CACNA2D1: variants seen among roughly 807,000 people sequenced by gnomAD.
The protein encoded by CACNA2D1 is voltage-dependent calcium channel subunit alpha-2/delta-1.
Under a neutral mutation model 171.5 loss-of-function variants are expected in CACNA2D1, and 53 were observed. The observed-to-expected ratio is 0.31, with a 90% CI of 0.25 to 0.39. The LOEUF (loss-of-function observed/expected upper bound fraction) is 0.39. CACNA2D1 is among the 10% of genes least tolerant of loss of function. CACNA2D1 has a pLI of 1.00. For synonymous variants in CACNA2D1, 442 were observed against 443.1 expected (o/e 1.00, Z 0.03); for missense variants, 903 against 1,299.8 (o/e 0.69, Z 4.69).
intron 36 of CACNA2D1, 107 bp from the exon 37 acceptor site, chr7:81,959,936 G>GAAAC (rs917782197): frequency 6.7e-7 from 1 of 1,482,960 alleles, no homozygotes; most frequent in Non-Finnish European, 9.1e-7. Flanking sequence ...TATGACATCT[G>GAAAC]AAACAGAAAC....
chr7:82,020,822 T>A (rs1801100482), intron 12 of CACNA2D1: 1 of 152,130 alleles, frequency 6.6e-6, no homozygotes, highest in South Asian at 2.1e-4. Context: ...ATGACCAACA[T>A]ATGTGCTAGA....
chr7:82,351,225 G>GA (rs1165672974), intron 1 of CACNA2D1, among the ~76,000 whole-genome samples: 4 of 151,096 alleles, frequency 2.6e-5, no homozygotes, highest in Non-Finnish European at 4.4e-5. Flanking sequence ...TCTTCCTTAG[G>GA]GAAGAATTCC....
chr7:81,975,341 A>T (rs913371926), intron 24 of CACNA2D1, among the ~76,000 whole-genome samples: 18 of 152,168 alleles, frequency 1.2e-4, no homozygotes, highest in Non-Finnish European at 2.4e-4. Flanking sequence ...CCATTATTTT[A>T]AAAAATATTT....
chr7:82,000,568 C>A lies in CACNA2D1; in HGVS notation c.1591-3318G>T, dbSNP rs144495218. 2.2e-3 allele frequency among the ~76,000 whole-genome samples: 332 copies of A among 151,858 alleles called. 1 individual carries two copies. The highest frequency in any genetic ancestry group is 3.5e-3 in the Non-Finnish European group (236 of 67,926). On this transcript the variant is annotated intron_variant, in intron 18 of 38. Transcript: ENST00000356860. ...TTATCCATCTCTTAATAACATATTA[C>A]CTCTTCATTTTAATGTCACCAACTT...
At chr7:82,133,887 A>G (rs916191733) in intron 5 of CACNA2D1, among the ~76,000 whole-genome samples, 8 of 152,130 alleles carry the variant, frequency 5.3e-5, no homozygotes, top group African/African-American at 1.9e-4. Context: ...CCTGGCTAAC[A>G]CGGTGAAACC....
rs74614872 is a variant in CACNA2D1, at chr7:82,183,484, A to G, written c.295-12875T>C. Among the ~76,000 whole-genome samples, 1,482 of 152,310 alleles carry G rather than the reference A, an allele frequency of 9.7e-3. 12 individuals carry two copies. Among genetic ancestry groups the G allele is most frequent in the Non-Finnish European group, 0.016 (1,107 of 68,016 alleles). On this transcript the variant is annotated intron_variant, in intron 3 of 38. Coordinates refer to ENST00000356860, the MANE Select transcript of CACNA2D1 (RefSeq NM_000722.4). ...TTTTAGTTAAAATTTTGTACAATTAAGAATATAAGAAACCATAAAACACAT... is the reference window on the plus strand; with the variant it reads ...TTTTAGTTAAAATTTTGTACAATTAGGAATATAAGAAACCATAAAACACAT...
At chr7:82,433,653 A>C (rs1224848965) in intron 1 of CACNA2D1, among the ~76,000 whole-genome samples, 2 of 152,116 alleles carry the variant, frequency 1.3e-5, no homozygotes, top group Non-Finnish European at 2.9e-5. Flanking sequence ...CATTGCTTTC[A>C]TCTCTCTGAC....
Position 82,297,072 on chromosome 7 carries a change from CAAAA to C in CACNA2D1, c.294+38059_294+38062del, listed in dbSNP as rs57473351. ...AAACATAGTGAGGCTCTGTGTCTACCAAAAAAAAAAAAAAAAAAAAAAAAATTAG... is the reference window on the plus strand; with the variant it reads ...AAACATAGTGAGGCTCTGTGTCTACCAAAAAAAAAAAAAAAAAAAAATTAG... On this transcript the variant is annotated intron_variant, in intron 3 of 38. Transcript: ENST00000356860. 1.5e-4 allele frequency among the ~76,000 whole-genome samples: 11 copies of C among 72,240 alleles called. No individual in the cohort carries two copies. In the South Asian group the frequency reaches 3.4e-3, roughly 22 times the overall value. 47.4% of individuals were successfully genotyped at this position (72,240 alleles called of 152,430 possible). A position where few individuals can be genotyped will look rare whatever the true frequency, so the allele number is the denominator to read the frequency against.
chr7:82,005,746 A>G lies in CACNA2D1; in HGVS notation c.1515+19T>C, dbSNP rs1384283547. On this transcript the variant is annotated intron_variant, in intron 17 of 38. Coordinates refer to ENST00000356860, the MANE Select transcript of CACNA2D1 (RefSeq NM_000722.4). The stretch of plus-strand genomic sequence containing the variant: ...GTTCTAAACTAGAAAGGGTATCAAA[A>G]GAGCAAATTTCATCTTACTGTAAAA... 6.5e-7 allele frequency: 1 copy of G among 1,529,120 alleles called. No homozygotes were observed. The highest frequency in any genetic ancestry group is 1.7e-5 in the Admixed American group (1 of 59,886). 94.7% of individuals were successfully genotyped at this position (1,529,120 alleles called of 1,614,324 possible).
intron 6 of CACNA2D1, among the ~76,000 whole-genome samples, chr7:82,101,701 C>T (rs1274041318): frequency 2.0e-5 from 3 of 152,028 alleles, no homozygotes; most frequent in Non-Finnish European, 2.9e-5. Context: ...TACATAGTTT[C>T]CCATAATGCA....
chr7:81,984,828 G>A (rs1021137638), intron 21 of CACNA2D1, 117 bp from the exon 22 acceptor site: 4 of 687,474 alleles, frequency 5.8e-6, no homozygotes, highest in Non-Finnish European at 1.1e-5. Context: ...GGAAGGAAAA[G>A]ACATATTACT....
rs571339669 is a variant in CACNA2D1, at chr7:82,163,443, A to T, written c.354+7107T>A. Among the ~76,000 whole-genome samples, 125 of 152,158 alleles carry T rather than the reference A, an allele frequency of 8.2e-4. 2 individuals carry two copies. In the South Asian group the frequency reaches 0.016, roughly 19 times the overall value. On this transcript the variant is annotated intron_variant, in intron 4 of 38. Coordinates refer to ENST00000356860, the MANE Select transcript of CACNA2D1 (RefSeq NM_000722.4). Reference sequence around the variant, plus strand: ...TTCAGTTCCTGGAGGTCAATTGATTATCATTTCCTAAAGAAGGAGAAATAC... The same window carrying T: ...TTCAGTTCCTGGAGGTCAATTGATTTTCATTTCCTAAAGAAGGAGAAATAC...
chr7:82,095,595 A>G (rs560967531), intron 6 of CACNA2D1, among the ~76,000 whole-genome samples: 1 of 152,342 alleles, frequency 6.6e-6, no homozygotes, highest in South Asian at 2.1e-4. Context: ...AAAATATGCT[A>G]TACTTAACGT....
In CACNA2D1 at chr7:82,242,922, G is replaced by A. The variant is rs564820264; in HGVS notation, c.295-72313C>T. On this transcript the variant is annotated intron_variant, in intron 3 of 38. Coordinates refer to ENST00000356860, the MANE Select transcript of CACNA2D1 (RefSeq NM_000722.4). ...GCCTTAGAATCATATTTAGTGTAAT[G>A]GTTAGGAAATAATCATTGTACCATG... 7.2e-5 allele frequency among the ~76,000 whole-genome samples: 11 copies of A among 152,132 alleles called. No individual in the cohort carries two copies. In the East Asian group the frequency reaches 2.1e-3, roughly 29 times the overall value.
chr7:82,217,316 T>C (rs565579533), intron 3 of CACNA2D1, among the ~76,000 whole-genome samples: 1 of 145,454 alleles, frequency 6.9e-6, no homozygotes, highest in South Asian at 2.2e-4. Context: ...TTTTACTTCG[T>C]GTTACATTGA....
At chr7:82,368,059 G>C (rs1821954550) in intron 1 of CACNA2D1, among the ~76,000 whole-genome samples, 1 of 152,100 alleles carries the variant, frequency 6.6e-6, no homozygotes, top group Admixed American at 6.6e-5. Context: ...ATGTAATCAA[G>C]AGTAATGATC....
intron 3 of CACNA2D1, among the ~76,000 whole-genome samples, chr7:82,208,409 T>C (rs760925500): frequency 2.0e-5 from 3 of 152,118 alleles, no homozygotes; most frequent in Non-Finnish European, 4.4e-5. Context: ...TTACCAAATA[T>C]GTTTGTTGCT....
rs117766744 is a variant in CACNA2D1 at position 81,978,353 on chromosome 7, T to C, written c.1956-3801A>G. On this transcript the variant is annotated intron_variant, in intron 24 of 38. Transcript: ENST00000356860. Reference sequence around the variant, plus strand: ...CCAACCCAAATGCTGATCAATGATATAGACTGGATAAAGAAAATATAACAC... The same window carrying C: ...CCAACCCAAATGCTGATCAATGATACAGACTGGATAAAGAAAATATAACAC... Among the ~76,000 whole-genome samples, 249 of 152,226 alleles carry C rather than the reference T, an allele frequency of 1.6e-3. 5 individuals are homozygous for C. In the East Asian group the frequency reaches 0.018, roughly 11 times the overall value.
intron 24 of CACNA2D1, 101 bp downstream of exon 24, chr7:81,982,466 G>C: frequency 1.3e-6 from 1 of 751,710 alleles, no homozygotes; most frequent in South Asian, 1.4e-5. Flanking sequence ...ATTCCATAAT[G>C]TGATATGGAA....
Sources: gnomAD v4.1 joint callset for allele counts (sites outside exome capture counted in the v4.1 genomes callset) on GRCh38, gnomAD v4.1.1 for gene constraint, MANE v1.5 for transcripts, NCBI Gene and HGNC (gene_info 2026-07-23, HGNC 2026-07-21) for gene names.